ARMC8: variants seen among roughly 807,000 people sequenced by gnomAD.
ARMC8 encodes the protein armadillo repeat containing 8.
A neutral mutation model predicts 99.3 loss-of-function variants in ARMC8; 20 were observed. The ratio of observed to expected loss-of-function variants is 0.20; its 90% CI spans 0.14 to 0.29. The LOEUF (loss-of-function observed/expected upper bound fraction) is 0.29. ARMC8 is among the 10% of genes least tolerant of loss of function. ARMC8 has a pLI of 1.00. For missense variants in ARMC8, 569 were observed against 809.5 expected (o/e 0.70, Z 3.60); for synonymous variants, 263 against 278.3 (o/e 0.95, Z 0.55).
At position 138,222,017 on chromosome 3, in the gene ARMC8, C is replaced by T; in HGVS notation, c.194+20C>T. 6.3e-7 allele frequency: 1 copy of T among 1,594,662 alleles called. No homozygotes were observed. Among genetic ancestry groups the T allele is most frequent in the Non-Finnish European group, 8.6e-7 (1 of 1,163,232 alleles). On this transcript the variant is annotated intron_variant, in intron 3 of 21. Transcript: ENST00000469044. ...TCCAAGGTATGTTTGCTGTCTCACC[C>T]CTTTCTTGCCATTCATACTAGTTTC...
chr3:138,251,491 A>C (rs1412075205), intron 12 of ARMC8, among the ~76,000 whole-genome samples: 1 of 152,200 alleles, frequency 6.6e-6, no homozygotes, highest in Non-Finnish European at 1.5e-5. Flanking sequence ...AATAGCAGCA[A>C]ATTCATTCGG....
Position 138,296,114 on chromosome 3 carries a change from T to C in ARMC8, c.*222T>C, listed in dbSNP as rs1319978302. 1 of 497,428 alleles carries C rather than the reference T, an allele frequency of 2.0e-6. No homozygotes were observed. Among genetic ancestry groups the C allele is most frequent in the African/African-American group, 2.0e-5 (1 of 50,616 alleles). The allele number at this position is 497,428 out of a possible 1,614,324, so 30.8% of individuals were successfully genotyped here. A position where few individuals can be genotyped will look rare whatever the true frequency, so the allele number is the denominator to read the frequency against. Reference sequence around the variant, plus strand: ...CTCTTGTGTTTTGTTTTGGTTTTTTTTTCTGAGCTACTCGGACTCTTTATT... The same window carrying C: ...CTCTTGTGTTTTGTTTTGGTTTTTTCTTCTGAGCTACTCGGACTCTTTATT... On this transcript the variant is annotated 3_prime_UTR_variant, in exon 22 of 22. Transcript: ENST00000469044.
At chr3:138,267,026 C>T (rs1356284155) in intron 14 of ARMC8, 129 bp from the exon 15 acceptor site, 1 of 558,646 alleles carries the variant, frequency 1.8e-6, no homozygotes, top group South Asian at 3.0e-5. Context: ...TGGATTCTTC[C>T]TATCTCTCCA....
intron 1 of ARMC8, among the ~76,000 whole-genome samples, chr3:138,189,988 A>G (rs768583512): frequency 6.6e-6 from 1 of 152,158 alleles, no homozygotes; most frequent in Non-Finnish European, 1.5e-5. Flanking sequence ...TGTATCTACC[A>G]GTTGTTAAGC....
intron 1 of ARMC8, among the ~76,000 whole-genome samples, chr3:138,192,973 T>C (rs1223840866): frequency 6.6e-6 from 1 of 152,092 alleles, no homozygotes; most frequent in Non-Finnish European, 1.5e-5. Flanking sequence ...TTATTTTTAT[T>C]TTATTTTATT....
At chr3:138,254,478 G>A (rs1005883438) in intron 12 of ARMC8, among the ~76,000 whole-genome samples, 6 of 152,164 alleles carry the variant, frequency 3.9e-5, no homozygotes, top group East Asian at 1.9e-4. Context: ...GCACTGAATC[G>A]TTCATGTGCC....
At chr3:138,208,655 G>A (rs1249333003) in intron 1 of ARMC8, among the ~76,000 whole-genome samples, 3 of 152,172 alleles carry the variant, frequency 2.0e-5, no homozygotes, top group Non-Finnish European at 4.4e-5. Context: ...CTCCCTATAA[G>A]AACTTATTGC....
intron 1 of ARMC8, among the ~76,000 whole-genome samples, chr3:138,189,240 A>G (rs2043241464): frequency 6.6e-6 from 1 of 151,246 alleles, no homozygotes; most frequent in Admixed American, 6.6e-5. Context: ...TAATACTTCT[A>G]TTTAGGATTT....
chr3:138,269,991 C>A (rs1576896467), intron 15 of ARMC8, 49 bp from the exon 16 acceptor site: 4 of 1,346,440 alleles, frequency 3.0e-6, no homozygotes, highest in Middle Eastern at 2.2e-4. Flanking sequence ...GTTTAGTTTG[C>A]AAACTGGACT....
At chr3:138,225,710 G>A (rs1390549637) in intron 5 of ARMC8, among the ~76,000 whole-genome samples, 2 of 152,174 alleles carry the variant, frequency 1.3e-5, no homozygotes, top group African/African-American at 4.8e-5. Context: ...AATGGTGGTT[G>A]TAATTATCTG....
intron 14 of ARMC8, among the ~76,000 whole-genome samples, chr3:138,265,402 T>C (rs538047130): frequency 9.6e-4 from 146 of 152,342 alleles, no homozygotes; most frequent in Non-Finnish European, 3.4e-4. Flanking sequence ...TCATATACCT[T>C]GCATTTAGTC....
At chr3:138,245,427 C>A in intron 12 of ARMC8, 1 of 1,376,944 alleles carries the variant, frequency 7.3e-7, no homozygotes, top group Non-Finnish European at 9.4e-7. Flanking sequence ...TTTTTTGTGT[C>A]ATTAATATGA....
intron 1 of ARMC8, among the ~76,000 whole-genome samples, chr3:138,201,004 C>G (rs1280360328): frequency 7.0e-6 from 1 of 142,582 alleles, no homozygotes; most frequent in Non-Finnish European, 1.5e-5. Flanking sequence ...CCTCTGCTTC[C>G]TGGGTTCAAA....
chr3:138,199,821 T>C (rs1193100404), intron 1 of ARMC8, among the ~76,000 whole-genome samples: 1 of 152,216 alleles, frequency 6.6e-6, no homozygotes, highest in African/African-American at 2.4e-5. Flanking sequence ...AAATGAATAA[T>C]TGAGAATTTG....
At chr3:138,202,889 T>C (rs1347884632) in intron 1 of ARMC8, among the ~76,000 whole-genome samples, 2 of 152,224 alleles carry the variant, frequency 1.3e-5, no homozygotes, top group African/African-American at 2.4e-5. Flanking sequence ...AAACTTGAGT[T>C]GAACACTTAT....
chr3:138,259,992 A>G (rs1218791500), intron 12 of ARMC8, among the ~76,000 whole-genome samples: 1 of 152,232 alleles, frequency 6.6e-6, no homozygotes, highest in Non-Finnish European at 1.5e-5. Flanking sequence ...ATCAAGCACC[A>G]TAGCACTGAA....
chr3:138,282,992 C>T (rs182206053), intron 18 of ARMC8, among the ~76,000 whole-genome samples: 1 of 152,338 alleles, frequency 6.6e-6, no homozygotes, highest in East Asian at 1.9e-4. Context: ...ACACCTTCTC[C>T]AGATCAGATC....
intron 1 of ARMC8, 93 bp downstream of exon 1, chr3:138,187,692 C>G: frequency 7.3e-7 from 1 of 1,377,922 alleles, no homozygotes; most frequent in South Asian, 1.2e-5. Flanking sequence ...TCCTGGGCAC[C>G]ACCCCCTGGG....
At chr3:138,214,462 A>G (rs1403797136) in intron 2 of ARMC8, among the ~76,000 whole-genome samples, 1 of 152,050 alleles carries the variant, frequency 6.6e-6, no homozygotes, top group Non-Finnish European at 1.5e-5. Flanking sequence ...GCTCCAGGAA[A>G]TTTTGTATCT....
Sources: gnomAD v4.1 joint callset for allele counts (sites outside exome capture counted in the v4.1 genomes callset) on GRCh38, gnomAD v4.1.1 for gene constraint, MANE v1.5 for transcripts, NCBI Gene and HGNC (gene_info 2026-07-23, HGNC 2026-07-21) for gene names.